Variants in RASAL2 observed in about 807,000 individuals in gnomAD.
The protein encoded by RASAL2 is RAS protein activator like 2.
RASAL2 carries 58 observed loss-of-function variants against 128.9 expected under a neutral mutation model. The ratio of observed to expected loss-of-function variants is 0.45; its 90% CI spans 0.36 to 0.56. The LOEUF (loss-of-function observed/expected upper bound fraction) is 0.56. Ranked by LOEUF, RASAL2 falls within the 20% of genes least tolerant of loss-of-function variation. The pLI is 0.00. For missense variants in RASAL2, 1,360 were observed against 1,601.6 expected, an observed-to-expected ratio of 0.85 and a Z score of 2.57; for synonymous variants, 561 against 580.8, an observed-to-expected ratio of 0.97 and a Z score of 0.49.
chr1:178,195,008 T>C (rs1368765779), intron 1 of RASAL2, among the ~76,000 whole-genome samples: 1 of 152,244 alleles, frequency 6.6e-6, no homozygotes, highest in Admixed American at 6.5e-5. Flanking sequence ...TAATTTTGAA[T>C]GTATCTAATT....
chr1:178,105,306 C>G (rs865796419), intron 1 of RASAL2, among the ~76,000 whole-genome samples: 1 of 151,974 alleles, frequency 6.6e-6, no homozygotes, highest in African/African-American at 2.4e-5. Flanking sequence ...TTATATAGAC[C>G]GTTAACAAAG....
rs1671780546 is a variant in RASAL2, at chr1:178,372,633, T to C, written c.458-17467T>C. ...AGACAACTTCTGCCAACCAAAATAA[T>C]ATTATTGTTTTACTTTACTCTCAAT... On this transcript the variant is annotated intron_variant, in intron 3 of 17. Coordinates refer to ENST00000367649, the MANE Select transcript of RASAL2 (RefSeq NM_170692.4). Among the ~76,000 whole-genome samples, 3 of 152,140 alleles carry C rather than the reference T, an allele frequency of 2.0e-5. No homozygotes were observed. The South Asian group carries it at 6.2e-4, about 31-fold the overall frequency.
chr1:178,104,810 A>G (rs181100583), intron 1 of RASAL2, among the ~76,000 whole-genome samples: 1 of 152,246 alleles, frequency 6.6e-6, no homozygotes, highest in East Asian at 1.9e-4. Flanking sequence ...CCTTTTTATT[A>G]ATGGCATATT....
intron 17 of RASAL2, among the ~76,000 whole-genome samples, chr1:178,468,968 A>G (rs531348614): frequency 6.6e-6 from 1 of 152,340 alleles, no homozygotes; most frequent in South Asian, 2.1e-4. Flanking sequence ...ACTAAGAGAT[A>G]AAACAGACTT....
At chr1:178,105,786 G>A (rs1659066531) in intron 1 of RASAL2, among the ~76,000 whole-genome samples, 1 of 151,778 alleles carries the variant, frequency 6.6e-6, no homozygotes, top group Non-Finnish European at 1.5e-5. Flanking sequence ...AGGCTCAAGG[G>A]ATCCTCCCAC....
At chr1:178,406,811 A>C (rs934391107) in intron 4 of RASAL2, among the ~76,000 whole-genome samples, 7 of 151,326 alleles carry the variant, frequency 4.6e-5, no homozygotes, top group Non-Finnish European at 7.4e-5. Flanking sequence ...CCTGTAATAT[A>C]ATATGTATTT....
chr1:178,458,539 C>G lies in RASAL2; in HGVS notation c.3247C>G (p.Gln1083Glu), dbSNP rs565856999. The change falls in exon 14 of 18, where the codon CAG becomes GAG. Residue 1083 changes from glutamine to glutamate, a missense_variant. By Grantham distance (29) the Gln-to-Glu change is conservative. Transcript: ENST00000367649. ...TAGAGCAATCCAGAGACAACAGACA[C>G]AGCAGGTAGGTGTGAGTGCTGAAGG... Reference protein sequence around the residue: ...KVRAIQRQQTQQVQSPVDSAT... With the variant: ...KVRAIQRQQTEQVQSPVDSAT... 11 of 1,606,582 alleles carry G rather than the reference C, an allele frequency of 6.8e-6. No individual in the cohort carries two copies. The East Asian group carries it at 2.2e-4, about 33-fold the overall frequency.
intron 1 of RASAL2, among the ~76,000 whole-genome samples, chr1:178,212,625 G>A (rs549985577): frequency 6.6e-6 from 1 of 152,090 alleles, no homozygotes; most frequent in South Asian, 2.1e-4. Context: ...CCGAGTAGGT[G>A]GGACTACAGG....
At chr1:178,449,419 A>G (rs981315501) in intron 9 of RASAL2, among the ~76,000 whole-genome samples, 88 of 152,190 alleles carry the variant, frequency 5.8e-4, no homozygotes, top group Non-Finnish European at 8.8e-4. Flanking sequence ...TAATATGTCC[A>G]TCCTTGTTGA....
intron 3 of RASAL2, among the ~76,000 whole-genome samples, chr1:178,333,093 A>C (rs1205920429): frequency 6.6e-6 from 1 of 151,658 alleles, no homozygotes; most frequent in East Asian, 2.0e-4. Context: ...CAGTGGCACG[A>C]TCTGGGCTCA....
At chr1:178,151,081 A>G (rs967827553) in intron 1 of RASAL2, among the ~76,000 whole-genome samples, 2 of 152,158 alleles carry the variant, frequency 1.3e-5, no homozygotes, top group African/African-American at 2.4e-5. Flanking sequence ...CATGAGTTCA[A>G]TGTTAATGAA....
At position 178,458,189 on chromosome 1, in the gene RASAL2, G is replaced by A. The variant is rs767448431; in HGVS notation, c.2897G>A (p.Gly966Glu). ...AACAGTGAAGACTTCAAGCTCAGTG[G>A]ACCCAGCAATAGCAGCATGGAAGAT... is the stretch of plus-strand genomic sequence containing the variant. Reference protein sequence around the residue: ...QSNSEDFKLSGPSNSSMEDFT... With the variant: ...QSNSEDFKLSEPSNSSMEDFT... The change falls in exon 14 of 18, where the codon GGA becomes GAA. Residue 966 changes from glycine (G) to glutamate (E), a missense_variant. Gly to Glu is a moderately conservative substitution (Grantham distance 98). Coordinates refer to ENST00000367649, the MANE Select transcript of RASAL2 (RefSeq NM_170692.4). 7 of 1,614,202 alleles carry A rather than the reference G, an allele frequency of 4.3e-6. No homozygotes were observed. The highest frequency in any genetic ancestry group is 5.9e-6 in the Non-Finnish European group (7 of 1,180,044).
At chr1:178,398,133 T>G (rs981880397) in intron 4 of RASAL2, among the ~76,000 whole-genome samples, 1 of 152,130 alleles carries the variant, frequency 6.6e-6, no homozygotes, top group African/African-American at 2.4e-5. Flanking sequence ...TTTTTTTAGT[T>G]AATCGTTTCT....
intron 4 of RASAL2, among the ~76,000 whole-genome samples, chr1:178,396,317 A>G (rs138706093): frequency 1.3e-3 from 205 of 152,292 alleles, no homozygotes; most frequent in African/African-American, 4.7e-3. Context: ...ATGATGTACC[A>G]TAAACCCTTT....
rs149211323 is a variant in RASAL2, at chr1:178,127,294, G to A, written c.202+32600G>A. Among the ~76,000 whole-genome samples, 237 of 152,134 alleles carry A rather than the reference G, an allele frequency of 1.6e-3. 1 individual carries two copies. The highest frequency in any genetic ancestry group is 5.6e-3 in the African/African-American group (234 of 41,532). On this transcript the variant is annotated intron_variant, in intron 1 of 17. Coordinates refer to ENST00000367649, the MANE Select transcript of RASAL2 (RefSeq NM_170692.4). Reference sequence around the variant, plus strand: ...TCTCTTGGCTTCGAATTATTCTTGAGTTTTAGAGAAATACATAGCCTGTTA... The same window carrying A: ...TCTCTTGGCTTCGAATTATTCTTGAATTTTAGAGAAATACATAGCCTGTTA...
chr1:178,309,850 G>A (rs1005844417), intron 3 of RASAL2, among the ~76,000 whole-genome samples: 4 of 152,126 alleles, frequency 2.6e-5, no homozygotes, highest in African/African-American at 9.7e-5. Context: ...ATTTGTAAGT[G>A]TATTTTGAAT....
At chr1:178,398,356 G>T (rs1052278834) in intron 4 of RASAL2, among the ~76,000 whole-genome samples, 6 of 152,038 alleles carry the variant, frequency 3.9e-5, no homozygotes, top group Non-Finnish European at 7.4e-5. Context: ...GTTCATGTTT[G>T]CATAGCATAT....
chr1:178,216,782 G>T (rs1261317982), intron 1 of RASAL2, among the ~76,000 whole-genome samples: 1 of 151,998 alleles, frequency 6.6e-6, no homozygotes, highest in Non-Finnish European at 1.5e-5. Flanking sequence ...TGGGATTACA[G>T]GTGTGTGCCA....
intron 4 of RASAL2, among the ~76,000 whole-genome samples, chr1:178,418,372 G>A (rs1270045701): frequency 6.6e-6 from 1 of 152,120 alleles, no homozygotes; most frequent in Admixed American, 6.5e-5. Flanking sequence ...TATTCATTAG[G>A]TGGAAGTGAA....
Sources: allele counts gnomAD v4.1 joint callset (sites outside exome capture counted in the v4.1 genomes callset), GRCh38; gene constraint gnomAD v4.1.1; transcripts MANE v1.5; gene names NCBI Gene and HGNC (gene_info 2026-07-23, HGNC 2026-07-21).